AKNA: variants seen among roughly 807,000 people sequenced by gnomAD.
AKNA encodes microtubule organization protein AKNA.
AKNA carries 67 observed loss-of-function variants against 138.8 expected under a neutral mutation model. The ratio of observed to expected loss-of-function variants is 0.48; its 90% CI spans 0.40 to 0.59. The LOEUF (loss-of-function observed/expected upper bound fraction) is 0.59. Among genes scored for constraint, AKNA ranks in the 20% least tolerant of loss-of-function variants. The probability of loss-of-function intolerance (pLI) is 0.00; values close to 1 mark genes in which losing one functional copy is unlikely to be tolerated. For missense variants in AKNA, 1,813 were observed against 1,880.4 expected (o/e 0.96, Z 0.66); for synonymous variants, 737 against 754.4 (o/e 0.98, Z 0.38).
chr9:114,338,448 TG>T (rs2131757443), intron 21 of AKNA, among the ~76,000 whole-genome samples: 1 of 152,366 alleles, frequency 6.6e-6, no homozygotes, highest in Admixed American at 6.5e-5. Context: ...GGAGCCACTG[TG>T]GAAAACAGTC....
At chr9:114,371,375 AAT>A (rs1832757897) in intron 4 of AKNA, among the ~76,000 whole-genome samples, 1 of 152,206 alleles carries the variant, frequency 6.6e-6, no homozygotes, top group Non-Finnish European at 1.5e-5. Context: ...CCCAACTGCA[AAT>A]TATTTAAGAG....
intron 21 of AKNA, among the ~76,000 whole-genome samples, chr9:114,340,135 A>G (rs1830240575): frequency 6.6e-6 from 1 of 152,110 alleles, no homozygotes; most frequent in Admixed American, 6.5e-5. Context: ...TTAAAAGCAC[A>G]TTTATAGGCC....
At chr9:114,348,525 G>A (rs1216185648) in intron 15 of AKNA, among the ~76,000 whole-genome samples, 3 of 152,222 alleles carry the variant, frequency 2.0e-5, no homozygotes, top group Non-Finnish European at 2.9e-5. Flanking sequence ...ACACCTCGAT[G>A]CTTCCTAGCA....
chr9:114,331,723 C>T (rs1829856479), downstream of AKNA: 1 of 1,586,198 alleles, frequency 6.3e-7, no homozygotes. Flanking sequence ...AGGCCTCACC[C>T]CCCATTCACC....
rs777341730 is a variant in AKNA at position 114,341,635 on chromosome 9, G to A, written c.3965C>T (p.Pro1322Leu). 32 of 1,611,472 alleles carry A rather than the reference G, an allele frequency of 2.0e-5. No individual in the cohort carries two copies. Among genetic ancestry groups the A allele is most frequent in the Non-Finnish European group, 2.7e-5 (32 of 1,179,258 alleles). Residue 1322 changes from proline to leucine, a missense_variant, in exon 21 of 22, where the codon CCC (proline) becomes CTC (leucine). Physicochemically the swap from Pro to Leu is moderately conservative, Grantham distance 98. Coordinates refer to ENST00000374088, the MANE Select transcript of AKNA (RefSeq NM_001317950.2). ...TGTTGCCAGATACCACAGTCCGGGG[G>A]GTGGGCGTGGCGACGACCCCGCCTG... ...SKQAGSSPRP[P>L]PGLWYLATAP...
At chr9:114,380,926 T>G (rs1314971312) in intron 2 of AKNA, 134 bp downstream of exon 2, 2 of 1,050,706 alleles carry the variant, frequency 1.9e-6, no homozygotes, top group African/African-American at 3.8e-5. Context: ...GAGGCTGTAG[T>G]GAGCCGAGAT....
chr9:114,391,068 CCTGA>C, upstream of AKNA, among the ~76,000 whole-genome samples: 1 of 152,352 alleles, frequency 6.6e-6, no homozygotes, highest in Non-Finnish European at 1.5e-5. Flanking sequence ...CTTGCCCAAG[CCTGA>C]CTCATAGCCC....
downstream of AKNA, chr9:114,331,474 G>A: frequency 3.9e-6 from 4 of 1,015,616 alleles, no homozygotes; most frequent in South Asian, 6.0e-5. Context: ...GATGGGCTTT[G>A]TGGCCCCGGA....
intron 2 of AKNA, among the ~76,000 whole-genome samples, chr9:114,380,153 T>TA (rs57149512): frequency 0.063 from 8,915 of 142,074 alleles, 354 homozygotes; most frequent in African/African-American, 0.12. Flanking sequence ...TCTGCCTCAC[T>TA]AAAAAAAAAA....
chr9:114,364,567 T>C lies in AKNA; in HGVS notation c.1781A>G (p.Gln594Arg). 1.2e-6 allele frequency: 2 copies of C among 1,613,880 alleles called. No individual in the cohort carries two copies. Among genetic ancestry groups the C allele is most frequent in the Non-Finnish European group, 1.7e-6 (2 of 1,180,032 alleles). ...TCCTGAATTGGGCAGTACCTTGACT[T>C]GGTCCTGGGGCATGAGACGTCCTGC... ...IQAGRLMPQDQVKGFQRLKAA... is the reference protein window; with the variant it reads ...IQAGRLMPQDRVKGFQRLKAA... Residue 594 changes from glutamine to arginine, a missense_variant, in exon 7 of 22, where the codon CAA (glutamine) becomes CGA (arginine). Physicochemically the swap from Gln to Arg is conservative, Grantham distance 43. Transcript: ENST00000374088.
chr9:114,351,140 AG>A, intron 14 of AKNA, 119 bp from the exon 15 acceptor site: 2 of 1,076,476 alleles, frequency 1.9e-6, no homozygotes, highest in Non-Finnish European at 1.3e-6. Context: ...AAGGTCACAA[AG>A]GAAGTTCCTG....
At chr9:114,364,860 T>C (rs1832227996) in intron 6 of AKNA, among the ~76,000 whole-genome samples, 1 of 152,130 alleles carries the variant, frequency 6.6e-6, no homozygotes. Context: ...AAGTCACTCA[T>C]GTGCATCAAG....
chr9:114,384,903 G>A (rs1833924723), intron 1 of AKNA, among the ~76,000 whole-genome samples: 1 of 152,118 alleles, frequency 6.6e-6, no homozygotes, highest in East Asian at 1.9e-4. Context: ...CCAGGCTGGA[G>A]TACAATGGCA....
At chr9:114,355,177 CTT>C (rs901443083) in intron 14 of AKNA, among the ~76,000 whole-genome samples, 34 of 101,978 alleles carry the variant, frequency 3.3e-4, no homozygotes, top group Non-Finnish European at 2.2e-4. Context: ...CTGTACTGTA[CTT>C]TTTTTTTTTT....
At chr9:114,365,957 CGAA>C (rs773447116) in intron 6 of AKNA, among the ~76,000 whole-genome samples, 1 of 152,102 alleles carries the variant, frequency 6.6e-6, no homozygotes, top group Non-Finnish European at 1.5e-5. Context: ...ACATATAGGA[CGAA>C]GAAGAAATGT....
At chr9:114,362,311 C>A in intron 8 of AKNA, 95 bp downstream of exon 8, 1 of 1,449,242 alleles carries the variant, frequency 6.9e-7, no homozygotes, top group South Asian at 1.4e-5. Context: ...TCCCCGTGTA[C>A]AAATTATAAG....
intron 15 of AKNA, among the ~76,000 whole-genome samples, chr9:114,350,447 C>T (rs1480856380): frequency 1.3e-5 from 2 of 152,158 alleles, no homozygotes; most frequent in Admixed American, 6.6e-5. Flanking sequence ...GGAAGTGGAA[C>T]TTTCTTAGTA....
chr9:114,376,216 C>T, intron 3 of AKNA: 1 of 340,730 alleles, frequency 2.9e-6, no homozygotes, highest in Non-Finnish European at 5.5e-6. Context: ...GGCTCTACCC[C>T]AGGGCTCCCC....
chr9:114,358,173 A>T lies in AKNA; in HGVS notation c.2493-6T>A. 1.2e-6 allele frequency: 2 copies of T among 1,613,880 alleles called. No homozygotes were observed. The highest frequency in any genetic ancestry group is 1.7e-6 in the Non-Finnish European group (2 of 1,179,884). ...CCATCTTCTCCGTGGCCTCCCTGGC[A>T]TGGGAAGAGAAGACCATCCTTGAGT... On this transcript the variant is annotated splice_region_variant and splice_polypyrimidine_tract_variant and intron_variant, in intron 11 of 21. Coordinates refer to ENST00000374088, the MANE Select transcript of AKNA (RefSeq NM_001317950.2).
Sources: gnomAD v4.1 joint callset for allele counts (sites outside exome capture counted in the v4.1 genomes callset) on GRCh38, gnomAD v4.1.1 for gene constraint, MANE v1.5 for transcripts, NCBI Gene and HGNC (gene_info 2026-07-23, HGNC 2026-07-21) for gene names.